Variants in CEP72 observed in about 807,000 individuals in gnomAD.
CEP72 encodes centrosomal protein 72, also known as centrosomal protein of 72 kDa.
In CEP72, 78 loss-of-function variants were observed where a neutral mutation model predicts 65.7. The observed-to-expected ratio is 1.19, with a 90% CI of 0.99 to 1.43. The LOEUF (loss-of-function observed/expected upper bound fraction) is 1.43. Among genes scored for constraint, CEP72 ranks in the 40% most tolerant of loss-of-function variants. The pLI is 0.00. For synonymous variants in CEP72, 358 were observed against 351.7 expected (o/e 1.02, Z -0.20); for missense variants, 914 against 832.9 (o/e 1.10, Z -1.20).
intron 11 of CEP72, among the ~76,000 whole-genome samples, chr5:651,478 G>A (rs1040478739): frequency 7.9e-5 from 12 of 151,968 alleles, no homozygotes; most frequent in Non-Finnish European, 1.5e-4. Context: ...GCACGGCGGG[G>A]CAACCTGGTT....
chr5:638,578 G>C (rs1436096072), intron 7 of CEP72, among the ~76,000 whole-genome samples: 1 of 151,992 alleles, frequency 6.6e-6, no homozygotes, highest in Non-Finnish European at 1.5e-5. Context: ...GGGGGTCCCA[G>C]AGCTGGGTGG....
chr5:622,737 G>T (rs6886657), intron 3 of CEP72, among the ~76,000 whole-genome samples: 55 of 150,588 alleles, frequency 3.7e-4, no homozygotes, highest in African/African-American at 1.3e-3. Flanking sequence ...GGATGGGGCC[G>T]TGGACATTAA....
chr5:644,785 C>T (rs571603863), intron 10 of CEP72, among the ~76,000 whole-genome samples: 9 of 152,288 alleles, frequency 5.9e-5, no homozygotes, highest in African/African-American at 1.4e-4. Context: ...ATGCTGCCAT[C>T]GAATTTGGTG....
chr5:646,157 A>G (rs1185678300), intron 10 of CEP72, among the ~76,000 whole-genome samples: 1 of 152,254 alleles, frequency 6.6e-6, no homozygotes, highest in Non-Finnish European at 1.5e-5. Flanking sequence ...GGCTGTTTCC[A>G]GAACCATCAG....
At chr5:649,675 TG>T (rs1351475163) in intron 11 of CEP72, among the ~76,000 whole-genome samples, 2 of 68,478 alleles carry the variant, frequency 2.9e-5, no homozygotes, top group Non-Finnish European at 5.5e-5. Flanking sequence ...CTGTGAGGCG[TG>T]GACTGTGAGG....
intron 11 of CEP72, 29 bp downstream of exon 11, chr5:647,945 C>T (rs770017387): frequency 1.3e-6 from 2 of 1,540,550 alleles, no homozygotes; most frequent in South Asian, 2.3e-5. Context: ...TGGGTGGGCC[C>T]CCGAGGGGAG....
downstream of CEP72, among the ~76,000 whole-genome samples, chr5:656,140 C>T (rs918941398): frequency 6.6e-6 from 1 of 152,062 alleles, no homozygotes; most frequent in Non-Finnish European, 1.5e-5. Flanking sequence ...AGACATAAGC[C>T]CAGTTTTCCC....
intron 11 of CEP72, among the ~76,000 whole-genome samples, chr5:651,540 T>C (rs1383480239): frequency 6.6e-6 from 1 of 151,972 alleles, no homozygotes; most frequent in African/African-American, 2.4e-5. Flanking sequence ...GCAGTGCGTG[T>C]TCAGTTGGAA....
chr5:652,086 G>A (rs902363437), intron 11 of CEP72, among the ~76,000 whole-genome samples: 7 of 152,192 alleles, frequency 4.6e-5, no homozygotes, highest in African/African-American at 1.2e-4. Flanking sequence ...TGTGGCGGCC[G>A]CGGGTGCAGT....
chr5:658,251 T>C (rs1697960), downstream of CEP72, among the ~76,000 whole-genome samples: 59,150 of 152,184 alleles, frequency 0.39, 11,713 homozygotes, highest in East Asian at 0.45. Flanking sequence ...TCCAGGCAGC[T>C]GCAGCCAGTG....
chr5:621,796 CAT>C (rs1230162003), intron 3 of CEP72, among the ~76,000 whole-genome samples: 1 of 152,246 alleles, frequency 6.6e-6, no homozygotes, highest in African/African-American at 2.4e-5. Context: ...ATTTTTGAGA[CAT>C]AGTCTCGCTT....
downstream of CEP72, among the ~76,000 whole-genome samples, chr5:671,803 A>G (rs1740232839): frequency 6.6e-6 from 1 of 152,184 alleles, no homozygotes; most frequent in Admixed American, 6.5e-5. Context: ...CCAGGGCTCC[A>G]GAGCCGCCGA....
At chr5:652,857 A>C in intron 11 of CEP72, 131 bp from the exon 12 acceptor site, 7 of 991,148 alleles carry the variant, frequency 7.1e-6, no homozygotes, top group Non-Finnish European at 1.0e-5. Flanking sequence ...ATGGGGCCAC[A>C]GAGATAGGTC....
At chr5:618,713 T>G (rs1736155471) in intron 1 of CEP72, among the ~76,000 whole-genome samples, 1 of 152,124 alleles carries the variant, frequency 6.6e-6, no homozygotes, top group Non-Finnish European at 1.5e-5. Flanking sequence ...AACAGGATTA[T>G]TGCGAAAGAG....
At chr5:613,827 G>A (rs1431944766) in intron 1 of CEP72, among the ~76,000 whole-genome samples, 1 of 152,218 alleles carries the variant, frequency 6.6e-6, no homozygotes, top group Non-Finnish European at 1.5e-5. Flanking sequence ...CAGTCCCCAG[G>A]TCCTGAAAGA....
intron 4 of CEP72, among the ~76,000 whole-genome samples, chr5:626,914 C>T (rs1462359096): frequency 6.6e-6 from 1 of 152,184 alleles, no homozygotes; most frequent in African/African-American, 2.4e-5. Context: ...TTGTTGGATT[C>T]AGTTTGCTGA....
intron 9 of CEP72, chr5:640,907 G>A (rs939530569): frequency 3.0e-6 from 3 of 985,456 alleles, no homozygotes; most frequent in Non-Finnish European, 3.6e-6. Context: ...ACGTGACTTT[G>A]TCTTGCTGAC....
chr5:614,093 T>C (rs1735845783), intron 1 of CEP72, among the ~76,000 whole-genome samples: 1 of 152,248 alleles, frequency 6.6e-6, no homozygotes, highest in Non-Finnish European at 1.5e-5. Flanking sequence ...TATTCTTTCT[T>C]TTTTAGTCTT....
intron 9 of CEP72, 76 bp downstream of exon 9, chr5:640,680 AGCTCCTTGAT>A: frequency 6.7e-7 from 1 of 1,494,566 alleles, no homozygotes; most frequent in South Asian, 1.3e-5. Context: ...GAACGAGGGC[AGCTCCTTGAT>A]GCCACACTGT....
Sources: gnomAD v4.1 joint callset for allele counts (sites outside exome capture counted in the v4.1 genomes callset) on GRCh38, gnomAD v4.1.1 for gene constraint, MANE v1.5 for transcripts, NCBI Gene and HGNC (gene_info 2026-07-23, HGNC 2026-07-21) for gene names.